Variants in XKR5 observed in about 807,000 individuals in gnomAD.
The protein encoded by XKR5 is XK-related protein 5.
XKR5 carries 46 observed loss-of-function variants against 40.8 expected under a neutral mutation model. That is an observed-to-expected ratio of 1.13 (90% CI 0.89 to 1.44). XKR5 has a LOEUF of 1.44. XKR5 is among the 40% of genes most tolerant of loss of function. The probability of loss-of-function intolerance (pLI) is 0.00; values close to 1 mark genes in which losing one functional copy is unlikely to be tolerated. For missense variants in XKR5, 1,169 were observed against 844.7 expected, an observed-to-expected ratio of 1.38 and a Z score of -4.76; for synonymous variants, 466 against 356.1, an observed-to-expected ratio of 1.31 and a Z score of -3.48.
At chr8:6,819,066 A>C (rs1003489300) in intron 5 of XKR5, among the ~76,000 whole-genome samples, 2 of 151,814 alleles carry the variant, frequency 1.3e-5, no homozygotes, top group African/African-American at 4.8e-5. Flanking sequence ...AATACAAAAC[A>C]CCTTATGTTC....
chr8:6,830,915 C>CCTGGCAGCCCTCATCT (rs1804737584), intron 2 of XKR5, among the ~76,000 whole-genome samples: 1 of 152,152 alleles, frequency 6.6e-6, no homozygotes, highest in Non-Finnish European at 1.5e-5. Flanking sequence ...ACCGTGGTCC[C>CCTGGCAGCCCTCATCT]CTGGCAGCCC....
intron 1 of XKR5, 33 bp downstream of exon 1, chr8:6,835,403 G>T (rs1052456870): frequency 7.0e-7 from 1 of 1,433,442 alleles, no homozygotes; most frequent in Non-Finnish European, 9.1e-7. Context: ...AGGGGCTGCA[G>T]GGGTGAGCAC....
chr8:6,830,494 C>A (rs552995200), intron 2 of XKR5, among the ~76,000 whole-genome samples: 1 of 152,148 alleles, frequency 6.6e-6, no homozygotes, highest in Admixed American at 6.5e-5. Flanking sequence ...GCAAATCTTG[C>A]GGCCTTTATG....
chr8:6,835,342 G>A, intron 1 of XKR5, 94 bp downstream of exon 1: 2 of 1,268,472 alleles, frequency 1.6e-6, no homozygotes, highest in South Asian at 1.9e-5. Context: ...CTGGGGCAGT[G>A]CCCGCCCGGG....
chr8:6,824,224 T>C (rs575530267), intron 3 of XKR5, among the ~76,000 whole-genome samples: 77 of 151,692 alleles, frequency 5.1e-4, no homozygotes, highest in African/African-American at 1.7e-3. Flanking sequence ...TGCAGGCATA[T>C]ATGTGAAGCA....
intron 2 of XKR5, among the ~76,000 whole-genome samples, chr8:6,832,034 AAC>A (rs530058356): frequency 0.17 from 8,779 of 50,464 alleles, 955 homozygotes; most frequent in African/African-American, 0.34. Context: ...AAAAAAAAAA[AAC>A]AAACCTAACA....
At chr8:6,834,639 A>T (rs984870627) in intron 1 of XKR5, among the ~76,000 whole-genome samples, 7 of 152,190 alleles carry the variant, frequency 4.6e-5, no homozygotes, top group African/African-American at 7.2e-5. Context: ...GAACTCAGGG[A>T]AAAGTCCCAA....
chr8:6,818,336 C>A (rs549246844), intron 5 of XKR5, among the ~76,000 whole-genome samples: 5 of 152,308 alleles, frequency 3.3e-5, no homozygotes, highest in African/African-American at 1.2e-4. Flanking sequence ...CCTGACTTTC[C>A]CAAGCTCTGC....
Position 6,835,514 on chromosome 8 carries a change from C to G in XKR5, c.-21G>C, listed in dbSNP as rs935146631. 74 of 1,489,390 alleles carry G rather than the reference C, an allele frequency of 5.0e-5. No homozygotes were observed. Among genetic ancestry groups the G allele is most frequent in the Non-Finnish European group, 6.5e-5 (73 of 1,125,406 alleles). The allele number at this position is 1,489,390 out of a possible 1,614,324, so 92.3% of individuals were successfully genotyped here. A position where few individuals can be genotyped will look rare whatever the true frequency, so the allele number is the denominator to read the frequency against. On this transcript the variant is annotated 5_prime_UTR_variant, in exon 1 of 7. Transcript: ENST00000618742. Reference sequence around the variant, plus strand: ...TGCATCTTCCGTGCCGACCCCGCAGCCTGCGCCCGCCCCTTCCCCTGCACG... The same window carrying G: ...TGCATCTTCCGTGCCGACCCCGCAGGCTGCGCCCGCCCCTTCCCCTGCACG...
Position 6,821,914 on chromosome 8 carries a change from G to T in XKR5, c.762C>A (p.Ser254Arg), listed in dbSNP as rs1804251113. ...VGAVYILCYL[S>R]FWDSPSRNRM... ...TATTTCTAGAAGGGCTGTCCCAGAA[G>T]CTGAGGTAGCAGAGGATGTACACGG... The change falls in exon 5 of 7, where the codon AGC (serine) becomes AGA (arginine). Residue 254 changes from serine to arginine, a missense_variant. Physicochemically the swap from Ser to Arg is moderately radical, Grantham distance 110 (BLOSUM62 -1). Coordinates refer to ENST00000618742, the MANE Select transcript of XKR5 (RefSeq NM_207411.5). 5 of 1,613,362 alleles carry T rather than the reference G, an allele frequency of 3.1e-6. No individual in the cohort carries two copies. Among genetic ancestry groups the T allele is most frequent in the Non-Finnish European group, 4.2e-6 (5 of 1,179,712 alleles).
At chr8:6,820,594 T>G (rs1478953495) in intron 5 of XKR5, among the ~76,000 whole-genome samples, 1 of 152,126 alleles carries the variant, frequency 6.6e-6, no homozygotes, top group Non-Finnish European at 1.5e-5. Flanking sequence ...TTCCACTTCT[T>G]TGTTCACTTG....
intron 5 of XKR5, among the ~76,000 whole-genome samples, chr8:6,820,741 A>G (rs1262380249): frequency 1.3e-5 from 2 of 152,198 alleles, no homozygotes; most frequent in East Asian, 1.9e-4. Flanking sequence ...AATGTGTCCA[A>G]CATTGCAAGT....
intron 3 of XKR5, 121 bp from the exon 4 acceptor site, chr8:6,823,851 C>T (rs1296164663): frequency 4.7e-6 from 4 of 853,772 alleles, no homozygotes; most frequent in Non-Finnish European, 7.4e-6. Flanking sequence ...AGCCTGGCTG[C>T]ACAGAGAGTA....
intron 5 of XKR5, among the ~76,000 whole-genome samples, chr8:6,816,470 T>C (rs1336382449): frequency 6.6e-6 from 1 of 152,048 alleles, no homozygotes; most frequent in East Asian, 1.9e-4. Context: ...TGGCTGCAGC[T>C]GGTCAAAATG....
intron 2 of XKR5, among the ~76,000 whole-genome samples, chr8:6,826,334 TG>T (rs1804475991): frequency 6.6e-6 from 1 of 151,994 alleles, no homozygotes. Flanking sequence ...AGTGTGAGTG[TG>T]TGTGTGTGCA....
chr8:6,812,861 C>A (rs1803800634), intron 6 of XKR5, among the ~76,000 whole-genome samples: 1 of 152,252 alleles, frequency 6.6e-6, no homozygotes, highest in Non-Finnish European at 1.5e-5. Flanking sequence ...AACCCCATAT[C>A]AAGGAATTTC....
chr8:6,834,471 C>A (rs1804913411), intron 1 of XKR5, among the ~76,000 whole-genome samples: 1 of 152,240 alleles, frequency 6.6e-6, no homozygotes, highest in African/African-American at 2.4e-5. Flanking sequence ...CCGTGCCCAG[C>A]TGGAGGGCAA....
chr8:6,825,631 G>C (rs1804436442), intron 2 of XKR5, among the ~76,000 whole-genome samples: 1 of 151,908 alleles, frequency 6.6e-6, no homozygotes, highest in African/African-American at 2.4e-5. Flanking sequence ...GCGGCTGCAT[G>C]GCAAGGGAAC....
chr8:6,834,656 G>T (rs1413287686), intron 1 of XKR5, among the ~76,000 whole-genome samples: 1 of 151,942 alleles, frequency 6.6e-6, no homozygotes, highest in Non-Finnish European at 1.5e-5. Flanking sequence ...CCAAGGCGGC[G>T]TTCCCAGGGT....
Sources: allele counts gnomAD v4.1 joint callset (sites outside exome capture counted in the v4.1 genomes callset), GRCh38; gene constraint gnomAD v4.1.1; transcripts MANE v1.5; gene names NCBI Gene and HGNC (gene_info 2026-07-23, HGNC 2026-07-21).